The following GALNT17 variants were observed in gnomAD, a reference collection of about 807,000 sequenced individuals.
GALNT17 encodes the protein UDP-GalNAc:polypeptide N-acetylgalactosaminyltransferase-like 3.
In GALNT17, 29 loss-of-function variants were observed where a neutral mutation model predicts 63.7. That is an observed-to-expected ratio of 0.46 (90% CI 0.34 to 0.62). The LOEUF (loss-of-function observed/expected upper bound fraction) is 0.62, where lower values mean the gene tolerates loss of function less well. Among genes scored for constraint, GALNT17 ranks in the 20% least tolerant of loss-of-function variants. The probability of loss-of-function intolerance (pLI) is 0.01; values close to 1 mark genes in which losing one functional copy is unlikely to be tolerated. For synonymous variants in GALNT17, 305 were observed against 318.3 expected (o/e 0.96, Z 0.45); for missense variants, 603 against 799.6 (o/e 0.75, Z 2.97).
intron 1 of GALNT17, among the ~76,000 whole-genome samples, chr7:71,285,927 C>G (rs945905271): frequency 6.6e-6 from 1 of 152,132 alleles, no homozygotes; most frequent in Non-Finnish European, 1.5e-5. Context: ...ATTTCTAGTT[C>G]CGGGCAGCTC....
intron 1 of GALNT17, among the ~76,000 whole-genome samples, chr7:71,148,599 A>C (rs958058941): frequency 1.3e-5 from 2 of 152,072 alleles, no homozygotes; most frequent in East Asian, 3.8e-4. Flanking sequence ...TGAATATTAA[A>C]ATTTAGCAAG....
chr7:71,510,831 A>G (rs932485104), intron 5 of GALNT17, among the ~76,000 whole-genome samples: 1 of 152,064 alleles, frequency 6.6e-6, no homozygotes, highest in African/African-American at 2.4e-5. Context: ...TGGTTTGGAG[A>G]AGAAGGTCAG....
At chr7:71,151,602 A>G (rs1046988576) in intron 1 of GALNT17, among the ~76,000 whole-genome samples, 4 of 151,076 alleles carry the variant, frequency 2.6e-5, no homozygotes, top group African/African-American at 9.8e-5. Context: ...CCTGGGCGAC[A>G]CAGCAAGACT....
intron 3 of GALNT17, among the ~76,000 whole-genome samples, chr7:71,408,624 G>A (rs972096933): frequency 2.0e-5 from 3 of 152,170 alleles, no homozygotes; most frequent in African/African-American, 7.2e-5. Context: ...AGAGCTTTGG[G>A]AGGCCAAAGT....
In GALNT17 at chr7:71,712,077, G is replaced by A; in HGVS notation, c.1728G>A (p.Leu576=). 6.2e-7 allele frequency: 1 copy of A among 1,614,114 alleles called. No individual in the cohort carries two copies. Among genetic ancestry groups the A allele is most frequent in the East Asian group, 2.2e-5 (1 of 44,870 alleles). The change falls in exon 11 of 11, where the codon CTG becomes CTA. Residue 576 remains leucine (L), a synonymous_variant. Coordinates refer to ENST00000333538, the MANE Select transcript of GALNT17 (RefSeq NM_022479.3). ...GRCLEVENRG[L]AGIDLILRSC... is the part of the protein sequence containing the mutation. ...GCCTGGAGGTGGAGAACCGGGGCCT[G>A]GCTGGCATCGACCTCATCCTCCGCA...
intron 1 of GALNT17, among the ~76,000 whole-genome samples, chr7:71,285,679 C>A (rs1173087704): frequency 6.6e-6 from 1 of 152,168 alleles, no homozygotes; most frequent in Non-Finnish European, 1.5e-5. Flanking sequence ...GATCTCTCAT[C>A]CATTTCTGTC....
intron 6 of GALNT17, among the ~76,000 whole-genome samples, chr7:71,635,637 A>C (rs1042372015): frequency 6.6e-6 from 1 of 152,178 alleles, no homozygotes; most frequent in Non-Finnish European, 1.5e-5. Flanking sequence ...TGAAAGAAAG[A>C]ATTCAGGGCG....
Position 71,321,922 on chromosome 7 carries a change from C to CCTTCCCCTCCCTCCCT in GALNT17, c.239-13627_239-13626insTTCCCCTCCCTCCCTC, listed in dbSNP as rs1563001220. Among the ~76,000 whole-genome samples the CCTTCCCCTCCCTCCCT allele has an allele frequency of 3.8e-3, 108 of 28,474 alleles. 3 individuals carry two copies. Among genetic ancestry groups the CCTTCCCCTCCCTCCCT allele is most frequent in the Non-Finnish European group, 5.8e-3 (86 of 14,886 alleles). 18.7% of individuals were successfully genotyped at this position (28,474 alleles called of 152,430 possible). ...TCCTTCCTTCCTTCCTTCCTTCCTT[C>CCTTCCCCTCCCTCCCT]CCCTCCCTCCCTCCCTCCCTCCCTT... On this transcript the variant is annotated intron_variant, in intron 1 of 10. Coordinates refer to ENST00000333538, the MANE Select transcript of GALNT17 (RefSeq NM_022479.3).
At chr7:71,267,077 C>T (rs1257358124) in intron 1 of GALNT17, among the ~76,000 whole-genome samples, 3 of 152,210 alleles carry the variant, frequency 2.0e-5, no homozygotes, top group Non-Finnish European at 2.9e-5. Flanking sequence ...AAAAGCCCAT[C>T]CCCGAAGCAA....
At chr7:71,329,612 C>G (rs1311026611) in intron 1 of GALNT17, among the ~76,000 whole-genome samples, 1 of 151,498 alleles carries the variant, frequency 6.6e-6, no homozygotes, top group East Asian at 1.9e-4. Context: ...TGGCAGAAGG[C>G]GAAAGGGAAG....
intron 9 of GALNT17, among the ~76,000 whole-genome samples, chr7:71,678,491 A>G (rs1791185101): frequency 6.6e-6 from 1 of 151,762 alleles, no homozygotes; most frequent in African/African-American, 2.4e-5. Context: ...CAGCCTGGAC[A>G]ACATGGCAAA....
At chr7:71,182,500 G>A (rs569543888) in intron 1 of GALNT17, among the ~76,000 whole-genome samples, 1 of 152,188 alleles carries the variant, frequency 6.6e-6, no homozygotes, top group East Asian at 1.9e-4. Context: ...TCCTAGTCTT[G>A]TCTACTGGAG....
At chr7:71,315,381 A>G (rs1326773163) in intron 1 of GALNT17, among the ~76,000 whole-genome samples, 1 of 152,214 alleles carries the variant, frequency 6.6e-6, no homozygotes, top group Admixed American at 6.5e-5. Context: ...GCTGTTGGGT[A>G]CATACCTAGG....
At chr7:71,544,491 G>A (rs1271017834) in intron 5 of GALNT17, among the ~76,000 whole-genome samples, 1 of 152,022 alleles carries the variant, frequency 6.6e-6, no homozygotes, top group Admixed American at 6.6e-5. Flanking sequence ...CAATAATAGG[G>A]GTTAGTTCTG....
chr7:71,521,135 A>T (rs982791689), intron 5 of GALNT17, among the ~76,000 whole-genome samples: 1 of 152,166 alleles, frequency 6.6e-6, no homozygotes, highest in African/African-American at 2.4e-5. Context: ...ACATGCACAT[A>T]TGTTTGGTAT....
chr7:71,610,879 A>G (rs367835421), intron 6 of GALNT17, among the ~76,000 whole-genome samples: 35 of 151,186 alleles, frequency 2.3e-4, no homozygotes, highest in Admixed American at 1.9e-3. Flanking sequence ...CCAGGTACTC[A>G]GGAGGCTGAG....
chr7:71,508,457 A>G (rs1013758910), intron 5 of GALNT17, among the ~76,000 whole-genome samples: 1 of 152,162 alleles, frequency 6.6e-6, no homozygotes, highest in Middle Eastern at 3.2e-3. Context: ...AGAAACCTGG[A>G]TGCCGTTGGC....
At chr7:71,500,125 T>A (rs193258349) in intron 5 of GALNT17, among the ~76,000 whole-genome samples, 56 of 152,314 alleles carry the variant, frequency 3.7e-4, no homozygotes, top group African/African-American at 1.3e-3. Context: ...AGTGTAAGAA[T>A]GGACTAATAC....
At chr7:71,574,911 T>C (rs1482050389) in intron 6 of GALNT17, among the ~76,000 whole-genome samples, 2 of 152,124 alleles carry the variant, frequency 1.3e-5, no homozygotes, top group East Asian at 3.9e-4. Context: ...TCCACCTCTT[T>C]CTAGTCCCTT....
Sources: allele counts gnomAD v4.1 joint callset (sites outside exome capture counted in the v4.1 genomes callset), GRCh38; gene constraint gnomAD v4.1.1; transcripts MANE v1.5; gene names NCBI Gene and HGNC (gene_info 2026-07-23, HGNC 2026-07-21).